CHM: variants seen among roughly 807,000 people sequenced by gnomAD.
CHM encodes rab proteins geranylgeranyltransferase component A 1.
CHM carries 10 observed loss-of-function variants against 49.0 expected under a neutral mutation model. The observed-to-expected ratio is 0.20, with a 90% CI of 0.13 to 0.35. The LOEUF (loss-of-function observed/expected upper bound fraction) is 0.35, where lower values mean the gene tolerates loss of function less well. Ranked by LOEUF, CHM falls within the 10% of genes least tolerant of loss-of-function variation. The pLI is 1.00. For missense variants in CHM, 455 were observed against 478.4 expected, an observed-to-expected ratio of 0.95 and a Z score of 0.46; for synonymous variants, 184 against 167.5, an observed-to-expected ratio of 1.10 and a Z score of -0.76.
At chrX:85,865,850 T>C (rs778287063) in intron 14 of CHM, among the ~76,000 whole-genome samples, 9 of 111,854 alleles carry the variant, frequency 8.0e-5, no homozygotes, top group African/African-American at 2.6e-4. Flanking sequence ...TTGAGAAAGA[T>C]GATTTAGGGT....
chrX:85,994,614 T>C (rs752347296), intron 2 of CHM, among the ~76,000 whole-genome samples: 12 of 111,449 alleles, frequency 1.1e-4, no homozygotes, highest in Middle Eastern at 4.2e-3. Context: ...ATAGGAAAAA[T>C]AGCAAAATTA....
chrX:86,017,338 T>C (rs1026237075), intron 2 of CHM, among the ~76,000 whole-genome samples: 12 of 111,515 alleles, frequency 1.1e-4, no homozygotes, highest in Admixed American at 2.9e-4. Flanking sequence ...CGGAATGATA[T>C]GGTTTGGCTC....
intron 8 of CHM, among the ~76,000 whole-genome samples, chrX:85,934,080 A>G (rs372483653): frequency 1.3e-4 from 14 of 107,059 alleles, no homozygotes; most frequent in African/African-American, 4.8e-4. Context: ...TCCTGGGTTC[A>G]CGCCATTCTC....
In CHM at chrX:85,911,300, T is replaced by C. The variant is rs1361994923; in HGVS notation, c.1205A>G (p.His402Arg). 1 of 1,052,270 alleles carries C rather than the reference T, an allele frequency of 9.5e-7. No homozygotes were observed. The allele number at this position is 1,052,270 out of a possible 1,213,427, so 86.7% of individuals were successfully genotyped here. The stretch of plus-strand genomic sequence containing the variant: ...GTCCACTACAAGGCACTGTACTGAA[T>C]GGCGAAGACAATAAATTCCACCAAA... Reference protein sequence around the residue: ...AVFGGIYCLRHSVQCLVVDKE... With the variant: ...AVFGGIYCLRRSVQCLVVDKE... Residue 402 changes from histidine (H) to arginine (R), a missense_variant, in exon 9 of 15, where the codon CAT (histidine) becomes CGT (arginine). Transcript: ENST00000357749.
At chrX:85,969,329 A>G (rs1482270573) in intron 4 of CHM, 16 of 740,161 alleles carry the variant, frequency 2.2e-5, no homozygotes, top group Non-Finnish European at 2.6e-5. Flanking sequence ...ACAAGCAACG[A>G]TATTTTACCT....
intron 13 of CHM, among the ~76,000 whole-genome samples, chrX:85,874,826 T>C (rs937737331): frequency 1.8e-5 from 2 of 111,804 alleles, no homozygotes; most frequent in African/African-American, 6.5e-5. Flanking sequence ...CATATGGCTC[T>C]TAGTAAACTG....
chrX:86,005,854 A>T (rs1419493826), intron 2 of CHM, among the ~76,000 whole-genome samples: 7 of 111,801 alleles, frequency 6.3e-5, no homozygotes, highest in African/African-American at 2.3e-4. Context: ...GCTGGTAGCA[A>T]TCCTTCTGAA....
chrX:85,897,722 G>A (rs1016577815), intron 11 of CHM, among the ~76,000 whole-genome samples: 1 of 111,002 alleles, frequency 9.0e-6, no homozygotes. Flanking sequence ...CTGACTGGTG[G>A]TGTGTGCTGA....
rs779344910 is a variant in CHM at position 85,956,120 on chromosome X, T to C, written c.1166+33A>G. The stretch of plus-strand genomic sequence containing the variant: ...TCATCTGTTATTCAAGTATCACTTT[T>C]AGAAGGGACAAGAAAATCAATGGCA... On this transcript the variant is annotated intron_variant, in intron 8 of 14. Coordinates refer to ENST00000357749, the MANE Select transcript of CHM (RefSeq NM_000390.4). 4 of 1,146,371 alleles carry C rather than the reference T, an allele frequency of 3.5e-6. No individual in the cohort carries two copies. The African/African-American group carries it at 5.4e-5, about 15-fold the overall frequency. 94.5% of individuals were successfully genotyped at this position (1,146,371 alleles called of 1,213,427 possible).
At chrX:85,901,039 T>C in intron 10 of CHM, 45 bp downstream of exon 10, 1 of 869,641 alleles carries the variant, frequency 1.1e-6, no homozygotes, top group Non-Finnish European at 1.7e-6. Flanking sequence ...CACAGGAATG[T>C]CAATAAAATT....
chrX:85,874,991 G>C (rs1924326550), intron 13 of CHM, among the ~76,000 whole-genome samples: 1 of 111,527 alleles, frequency 9.0e-6, no homozygotes, highest in African/African-American at 3.3e-5. Flanking sequence ...TATACTAGGA[G>C]AGCTTATCTT....
intron 12 of CHM, among the ~76,000 whole-genome samples, chrX:85,880,681 C>A (rs1466017065): frequency 8.1e-5 from 9 of 111,299 alleles, no homozygotes. Flanking sequence ...ACAGACAGTT[C>A]AGGTTATGCT....
intron 4 of CHM, chrX:85,971,520 G>A (rs1448113917): frequency 1.1e-5 from 3 of 274,129 alleles, no homozygotes; most frequent in East Asian, 1.5e-4. Flanking sequence ...TTGTGGTCTC[G>A]GTGGGCGCAG....
At chrX:85,940,126 GGAAA>G (rs1227165902) in intron 8 of CHM, among the ~76,000 whole-genome samples, 1 of 111,458 alleles carries the variant, frequency 9.0e-6, no homozygotes, top group Admixed American at 9.6e-5. Context: ...TGACGAAGCA[GGAAA>G]GAGAGAGCAA....
chrX:86,015,061 AT>A (rs34046566), intron 2 of CHM, among the ~76,000 whole-genome samples: 37,266 of 105,992 alleles, frequency 0.35, 5,108 homozygotes, highest in Admixed American at 0.43. Context: ...TGAAAAAGTT[AT>A]TTTTTTTTTT....
At chrX:85,945,544 G>A (rs192274975) in intron 8 of CHM, among the ~76,000 whole-genome samples, 78 of 102,641 alleles carry the variant, frequency 7.6e-4, no homozygotes, top group African/African-American at 2.7e-3. Flanking sequence ...AGCAGATGAC[G>A]GCACCATGCT....
At chrX:85,886,300 A>G (rs1254743217) in intron 12 of CHM, among the ~76,000 whole-genome samples, 1 of 112,309 alleles carries the variant, frequency 8.9e-6, no homozygotes, top group African/African-American at 3.2e-5. Context: ...AAATAATGAA[A>G]TTATGTTTCT....
chrX:85,989,485 A>G (rs1330429800), intron 2 of CHM, among the ~76,000 whole-genome samples: 1 of 112,270 alleles, frequency 8.9e-6, no homozygotes, highest in African/African-American at 3.2e-5. Context: ...CAACAAAAGC[A>G]AAAATTGACA....
intron 6 of CHM, 91 bp from the exon 7 acceptor site, chrX:85,958,066 G>C: frequency 9.3e-7 from 1 of 1,072,407 alleles, no homozygotes; most frequent in Non-Finnish European, 1.3e-6. Flanking sequence ...CATATAACAG[G>C]ATTATCGTTT....
Sources: allele counts gnomAD v4.1 joint callset (sites outside exome capture counted in the v4.1 genomes callset), GRCh38; gene constraint gnomAD v4.1.1; transcripts MANE v1.5; gene names NCBI Gene and HGNC (gene_info 2026-07-23, HGNC 2026-07-21).